The following ANTXR1 variants were observed in gnomAD, a reference collection of about 807,000 sequenced individuals.
ANTXR1 encodes the protein ANTXR cell adhesion molecule 1.
Under a neutral mutation model 78.1 loss-of-function variants are expected in ANTXR1, and 19 were observed. The observed-to-expected ratio is 0.24, with a 90% CI of 0.17 to 0.36. The LOEUF (loss-of-function observed/expected upper bound fraction) is 0.36. Ranked by LOEUF, ANTXR1 falls within the 10% of genes least tolerant of loss-of-function variation. ANTXR1 has a pLI of 1.00. For missense variants in ANTXR1, 518 were observed against 718.6 expected, an observed-to-expected ratio of 0.72 and a Z score of 3.19; for synonymous variants, 273 against 260.5, an observed-to-expected ratio of 1.05 and a Z score of -0.46.
intron 5 of ANTXR1, among the ~76,000 whole-genome samples, chr2:69,072,431 C>T (rs763747701): frequency 1.3e-5 from 2 of 152,130 alleles, no homozygotes; most frequent in Non-Finnish European, 2.9e-5. Context: ...TCCTAAACTG[C>T]AACAAACAGA....
chr2:69,169,616 T>C (rs1673923045), intron 13 of ANTXR1, among the ~76,000 whole-genome samples: 1 of 152,256 alleles, frequency 6.6e-6, no homozygotes, highest in African/African-American at 2.4e-5. Context: ...GCCCCAAAGA[T>C]GGGACAGTCA....
chr2:69,115,813 G>A (rs1457928124), intron 10 of ANTXR1, among the ~76,000 whole-genome samples: 2 of 152,240 alleles, frequency 1.3e-5, no homozygotes, highest in Non-Finnish European at 2.9e-5. Context: ...ACAATACCAG[G>A]TCAGGGAAAA....
intron 10 of ANTXR1, among the ~76,000 whole-genome samples, chr2:69,111,524 T>C (rs578029777): frequency 1.3e-5 from 2 of 152,390 alleles, no homozygotes; most frequent in South Asian, 4.1e-4. Context: ...TTATAGGCCA[T>C]GTGAGAAATC....
chr2:69,247,145 C>T lies in ANTXR1; in HGVS notation c.*1660C>T, dbSNP rs1231732416. The T allele has an allele frequency of 6.5e-6, 1 of 152,766 alleles. No individual in the cohort carries two copies. Among genetic ancestry groups the T allele is most frequent in the East Asian group, 1.9e-4 (1 of 5,198 alleles). 9.5% of individuals were successfully genotyped at this position (152,766 alleles called of 1,614,324 possible). On this transcript the variant is annotated 3_prime_UTR_variant, in exon 18 of 18. Transcript: ENST00000303714. Reference sequence around the variant, plus strand: ...TATTTCCTATTAAGCCCACTGATTTCTTCACAATCCTTCTCAAATTACAAT... The same window carrying T: ...TATTTCCTATTAAGCCCACTGATTTTTTCACAATCCTTCTCAAATTACAAT...
chr2:69,075,654 C>T lies in ANTXR1; in HGVS notation c.557C>T (p.Thr186Ile). 6.2e-7 allele frequency: 1 copy of T among 1,613,954 alleles called. No individual in the cohort carries two copies. Among genetic ancestry groups the T allele is most frequent in the Non-Finnish European group, 8.5e-7 (1 of 1,179,842 alleles). The change falls in exon 7 of 18, where the codon ACA (threonine) becomes ATA (isoleucine). Residue 186 changes from threonine to isoleucine, a missense_variant. By Grantham distance (89) the Thr-to-Ile change is moderately conservative. Transcript: ENST00000303714. ...YCVGVKDFNETQLARIADSKD... is the reference protein window; with the variant it reads ...YCVGVKDFNEIQLARIADSKD... ...GTTGGTGTGAAAGATTTCAATGAGA[C>T]ACAGGTATGGTAATGGATTTCCTCA... is the stretch of plus-strand genomic sequence containing the variant.
intron 1 of ANTXR1, among the ~76,000 whole-genome samples, chr2:69,039,416 A>G (rs1207542655): frequency 2.0e-5 from 3 of 152,194 alleles, no homozygotes; most frequent in African/African-American, 7.2e-5. Context: ...CCTTTTTCGT[A>G]TAACAAAAAG....
chr2:69,170,271 C>A lies in ANTXR1; in HGVS notation c.1071C>A (p.Pro357=). ...CTVIIKEVPP[P]PAEESEEEDD... Reference sequence around the variant, plus strand: ...AGATTATCAAGGAGGTCCCTCCACCCCCTGCCGAGGAGAGTGAGGTAAGTG... The same window carrying A: ...AGATTATCAAGGAGGTCCCTCCACCACCTGCCGAGGAGAGTGAGGTAAGTG... Residue 357 remains proline, a synonymous_variant, in exon 14 of 18, where the codon CCC becomes CCA. Transcript: ENST00000303714. 1 of 1,614,156 alleles carries A rather than the reference C, an allele frequency of 6.2e-7. No individual in the cohort carries two copies. The highest frequency in any genetic ancestry group is 8.5e-7 in the Non-Finnish European group (1 of 1,180,038).
At chr2:69,067,629 C>T (rs1273499755) in intron 3 of ANTXR1, among the ~76,000 whole-genome samples, 1 of 152,018 alleles carries the variant, frequency 6.6e-6, no homozygotes, top group African/African-American at 2.4e-5. Context: ...CCCCATAGTG[C>T]CCCCCAGCTA....
intron 13 of ANTXR1, among the ~76,000 whole-genome samples, chr2:69,154,217 CT>C (rs1394177095): frequency 1.3e-5 from 2 of 152,186 alleles, no homozygotes; most frequent in Non-Finnish European, 2.9e-5. Flanking sequence ...GTCCCTGTTG[CT>C]TTGGAAGGCA....
At chr2:69,044,359 G>A (rs891872612) in intron 2 of ANTXR1, among the ~76,000 whole-genome samples, 8 of 151,086 alleles carry the variant, frequency 5.3e-5, no homozygotes, top group Non-Finnish European at 1.2e-4. Context: ...CCAGGCTACC[G>A]TGGAAACATT....
chr2:69,231,749 C>A (rs1291238893), intron 17 of ANTXR1, among the ~76,000 whole-genome samples: 1 of 152,092 alleles, frequency 6.6e-6, no homozygotes, highest in Non-Finnish European at 1.5e-5. Flanking sequence ...CCTCAACAGG[C>A]CTCCCTGCAG....
intron 12 of ANTXR1, among the ~76,000 whole-genome samples, chr2:69,142,868 G>A (rs1041108357): frequency 6.6e-6 from 1 of 152,124 alleles, no homozygotes; most frequent in African/African-American, 2.4e-5. Context: ...GGGCTTGTAT[G>A]GGCTAAAGAC....
intron 6 of ANTXR1, 88 bp from the exon 7 acceptor site, chr2:69,075,501 AC>A: frequency 8.1e-7 from 1 of 1,241,840 alleles, no homozygotes; most frequent in East Asian, 2.3e-5. Flanking sequence ...CTCATTAAAT[AC>A]CTCATCATTG....
chr2:69,228,094 T>C (rs1175721779), intron 17 of ANTXR1, among the ~76,000 whole-genome samples: 1 of 152,186 alleles, frequency 6.6e-6, no homozygotes, highest in Non-Finnish European at 1.5e-5. Context: ...TATTAAGAAA[T>C]AAACCACTAT....
At chr2:69,239,307 A>T (rs2104530207) in intron 17 of ANTXR1, among the ~76,000 whole-genome samples, 1 of 152,306 alleles carries the variant, frequency 6.6e-6, no homozygotes, top group South Asian at 2.1e-4. Flanking sequence ...GGTGGCTCAC[A>T]CCTATAATCC....
At chr2:69,135,560 C>A (rs558195902) in intron 12 of ANTXR1, among the ~76,000 whole-genome samples, 2 of 152,208 alleles carry the variant, frequency 1.3e-5, no homozygotes, top group African/African-American at 4.8e-5. Context: ...AAAGTTTTAT[C>A]AGGCAAATAC....
chr2:69,017,939 A>G (rs1332357196), intron 1 of ANTXR1, among the ~76,000 whole-genome samples: 2 of 152,002 alleles, frequency 1.3e-5, no homozygotes, highest in African/African-American at 2.4e-5. Flanking sequence ...ATGTTTATGT[A>G]TTACATATTG....
intron 17 of ANTXR1, among the ~76,000 whole-genome samples, chr2:69,223,177 G>A (rs1159424108): frequency 1.3e-5 from 2 of 152,304 alleles, no homozygotes; most frequent in Non-Finnish European, 1.5e-5. Flanking sequence ...CCCAGGACTT[G>A]AGATCACTTC....
chr2:69,053,071 G>A (rs1558744056), intron 3 of ANTXR1, among the ~76,000 whole-genome samples: 1 of 152,138 alleles, frequency 6.6e-6, no homozygotes, highest in Non-Finnish European at 1.5e-5. Context: ...GTGCTCCCTT[G>A]TTTTTTATAT....
Sources: gnomAD v4.1 joint callset for allele counts (sites outside exome capture counted in the v4.1 genomes callset) on GRCh38, gnomAD v4.1.1 for gene constraint, MANE v1.5 for transcripts, NCBI Gene and HGNC (gene_info 2026-07-23, HGNC 2026-07-21) for gene names.